ZNF143: variants seen among roughly 807,000 people sequenced by gnomAD.
ZNF143 encodes the protein SPH-binding factor.
Under a neutral mutation model 74.1 loss-of-function variants are expected in ZNF143, and 49 were observed. That is an observed-to-expected ratio of 0.66 (90% CI 0.53 to 0.84). The LOEUF is 0.84. ZNF143 is among the 40% of genes least tolerant of loss of function. ZNF143 has a pLI of 0.00. For synonymous variants in ZNF143, 304 were observed against 282.8 expected, an observed-to-expected ratio of 1.07 and a Z score of -0.75; for missense variants, 637 against 793.4, an observed-to-expected ratio of 0.80 and a Z score of 2.37.
chr11:9,461,746 A>G (rs1855869196), intron 1 of ZNF143: 1 of 152,130 alleles, frequency 6.6e-6, no homozygotes, highest in Non-Finnish European at 1.5e-5. Flanking sequence ...AAATTCTTAT[A>G]AGTCTCTTTG....
chr11:9,520,801 T>G (rs551998249), intron 14 of ZNF143, among the ~76,000 whole-genome samples: 7 of 152,042 alleles, frequency 4.6e-5, no homozygotes, highest in African/African-American at 9.7e-5. Flanking sequence ...AAATAAAAAA[T>G]AAAAAAGAAT....
rs1203413165 is a variant in ZNF143 at position 9,490,527 on chromosome 11, C to A, written c.646-4119C>A. On this transcript the variant is annotated intron_variant, in intron 7 of 15. Transcript: ENST00000396602. ...TTTCCAACTCCTGGGCTCAAGTGAT[C>A]CACCTGCTTCAATCTCTCAAAAGTG... 2.0e-5 allele frequency among the ~76,000 whole-genome samples: 3 copies of A among 151,576 alleles called. No homozygotes were observed. The East Asian group carries it at 5.8e-4, about 29-fold the overall frequency.
rs77405531 is a variant in ZNF143, at chr11:9,516,509, C to T, written c.1686+147C>T. ...TTCTTAGCTACTTAACCCTCAGAGC[C>T]TGTTTTTCCTCATATGTAAAGTAGG... On this transcript the variant is annotated intron_variant, in intron 14 of 15. Coordinates refer to ENST00000396602, the MANE Select transcript of ZNF143 (RefSeq NM_003442.6). The T allele has an allele frequency of 3.9e-3, 2,726 of 707,286 alleles. 59 individuals carry two copies. The African/African-American group carries it at 0.045, about 12-fold the overall frequency. The allele number at this position is 707,286 out of a possible 1,614,324, so 43.8% of individuals were successfully genotyped here.
intron 14 of ZNF143, among the ~76,000 whole-genome samples, chr11:9,521,837 A>C (rs985761104): frequency 2.0e-5 from 3 of 152,090 alleles, no homozygotes; most frequent in African/African-American, 7.2e-5. Context: ...AGGCTGAGGC[A>C]GGTGGATCAC....
intron 15 of ZNF143, among the ~76,000 whole-genome samples, chr11:9,526,712 G>A (rs951763372): frequency 6.6e-6 from 1 of 152,084 alleles, no homozygotes; most frequent in Non-Finnish European, 1.5e-5. Context: ...AAAGTGCTAC[G>A]ATTATAGTCA....
chr11:9,511,000 T>C (rs960583734), intron 12 of ZNF143, among the ~76,000 whole-genome samples: 2 of 151,978 alleles, frequency 1.3e-5, no homozygotes, highest in Non-Finnish European at 2.9e-5. Flanking sequence ...TCAGTTGTGC[T>C]AAAGACCAAG....
rs1205706341 is a variant in ZNF143 at position 9,508,515 on chromosome 11, G to A, written c.1148-104G>A. ...TCATGGTGGGATGAGGAGGGGTTTG[G>A]CAATTCTTTATTTTTAGAGGTATTT... On this transcript the variant is annotated intron_variant, in intron 11 of 15. Transcript: ENST00000396602. The A allele has an allele frequency of 7.0e-6, 7 of 1,004,632 alleles. No homozygotes were observed. The African/African-American group carries it at 8.1e-5, about 12-fold the overall frequency. 62.2% of individuals were successfully genotyped at this position (1,004,632 alleles called of 1,614,324 possible).
At chr11:9,497,874 A>G in intron 10 of ZNF143, 74 bp downstream of exon 10, 2 of 1,110,772 alleles carry the variant, frequency 1.8e-6, no homozygotes, top group Non-Finnish European at 2.4e-6. Context: ...TCTGTCGCCT[A>G]GGCTGGAGTG....
At chr11:9,486,420 T>TA (rs368754514) in intron 7 of ZNF143, among the ~76,000 whole-genome samples, 560 of 30,678 alleles carry the variant, frequency 0.018, 17 homozygotes, top group Non-Finnish European at 0.026. Flanking sequence ...ATAATATATA[T>TA]TATATATATT....
At chr11:9,467,236 TG>T (rs1192839769) in intron 1 of ZNF143, among the ~76,000 whole-genome samples, 3 of 46,088 alleles carry the variant, frequency 6.5e-5, no homozygotes, top group East Asian at 1.3e-3. Context: ...AAAAGGAAAG[TG>T]TTTTTTTTTT....
In ZNF143 at chr11:9,511,912, C is replaced by T. The variant is rs990455137; in HGVS notation, c.1376-536C>T. 2.0e-5 allele frequency among the ~76,000 whole-genome samples: 3 copies of T among 151,430 alleles called. No homozygotes were observed. In the East Asian group the frequency reaches 5.9e-4, roughly 30 times the overall value. ...GACTACAGGCGCCCGCCACCATGACCAGCTAATTTTTTGTATTTTTAGTAG... is the reference window on the plus strand; with the variant it reads ...GACTACAGGCGCCCGCCACCATGACTAGCTAATTTTTTGTATTTTTAGTAG... On this transcript the variant is annotated intron_variant, in intron 12 of 15. Coordinates refer to ENST00000396602, the MANE Select transcript of ZNF143 (RefSeq NM_003442.6).
At chr11:9,493,456 A>G (rs368301054) in intron 7 of ZNF143, among the ~76,000 whole-genome samples, 1 of 152,334 alleles carries the variant, frequency 6.6e-6, no homozygotes, top group Non-Finnish European at 1.5e-5. Context: ...AACATACAGT[A>G]TGGGGATGAC....
intron 11 of ZNF143, among the ~76,000 whole-genome samples, chr11:9,504,324 C>T (rs1240555952): frequency 7.9e-6 from 1 of 125,788 alleles, no homozygotes; most frequent in African/African-American, 2.6e-5. Context: ...CTATTCAAAT[C>T]CTTTGCCCGT....
At chr11:9,485,595 G>GT (rs1847441927) in intron 7 of ZNF143, among the ~76,000 whole-genome samples, 1 of 151,294 alleles carries the variant, frequency 6.6e-6, no homozygotes, top group Non-Finnish European at 1.5e-5. Context: ...GATCCACCTG[G>GT]CTTGGCCTCC....
At chr11:9,476,746 CTTTTTTTTTT>C (rs869069237) in intron 5 of ZNF143, among the ~76,000 whole-genome samples, 21 of 34,836 alleles carry the variant, frequency 6.0e-4, no homozygotes, top group South Asian at 2.4e-3. Flanking sequence ...AGGGAGGAAT[CTTTTTTTTTT>C]TTTTTTTTTT....
At chr11:9,525,430 T>C (rs1849088869) in intron 15 of ZNF143, 44 bp downstream of exon 15, 1 of 1,612,206 alleles carries the variant, frequency 6.2e-7, no homozygotes, top group Non-Finnish European at 8.5e-7. Context: ...GCAGTGCTGC[T>C]CATAGCTTTC....
chr11:9,507,552 C>T (rs946919918), intron 11 of ZNF143, among the ~76,000 whole-genome samples: 2 of 152,178 alleles, frequency 1.3e-5, no homozygotes, highest in East Asian at 3.8e-4. Context: ...GAGCCCAAGA[C>T]TGAGGGCATA....
At position 9,527,517 on chromosome 11, in the gene ZNF143, G is replaced by C; in HGVS notation, c.1834-13G>C. On this transcript the variant is annotated splice_polypyrimidine_tract_variant and intron_variant, in intron 15 of 15. Coordinates refer to ENST00000396602, the MANE Select transcript of ZNF143 (RefSeq NM_003442.6). The stretch of plus-strand genomic sequence containing the variant: ...TGAATTGTTAGCGTTTGATGTGTGT[G>C]TTCCTGTTTCAGCTTGGAGAACAGC... The C allele has an allele frequency of 6.2e-7, 1 of 1,613,420 alleles. No homozygotes were observed. Among genetic ancestry groups the C allele is most frequent in the Non-Finnish European group, 8.5e-7 (1 of 1,179,474 alleles).
rs869069237 is a variant in ZNF143 at position 9,476,746 on chromosome 11, CTTTTTTTTTTT to C, written c.374-1623_374-1613del. ...TTGTTGTGAAGCCAAAGGGAGGAAT[CTTTTTTTTTTT>C]TTTTTTTTTTTTTTTTTTTTGAGAC... On this transcript the variant is annotated intron_variant, in intron 5 of 15. Transcript: ENST00000396602. 7.2e-4 allele frequency among the ~76,000 whole-genome samples: 25 copies of C among 34,854 alleles called. No individual in the cohort carries two copies. The South Asian group carries it at 0.019, about 27-fold the overall frequency. 22.9% of individuals were successfully genotyped at this position (34,854 alleles called of 152,430 possible).
Sources: allele counts gnomAD v4.1 joint callset (sites outside exome capture counted in the v4.1 genomes callset), GRCh38; gene constraint gnomAD v4.1.1; transcripts MANE v1.5; gene names NCBI Gene and HGNC (gene_info 2026-07-23, HGNC 2026-07-21).